OPCML: variants seen among roughly 807,000 people sequenced by gnomAD.
OPCML encodes opioid binding protein/cell adhesion molecule like.
Under a neutral mutation model 37.8 loss-of-function variants are expected in OPCML, and 13 were observed. That is an observed-to-expected ratio of 0.34 (90% CI 0.22 to 0.55). The LOEUF (loss-of-function observed/expected upper bound fraction) is 0.55. OPCML is among the 20% of genes least tolerant of loss of function. OPCML has a pLI of 0.91. For missense variants in OPCML, 341 were observed against 435.6 expected (o/e 0.78, Z 1.93); for synonymous variants, 176 against 168.8 (o/e 1.04, Z -0.33).
intron 3 of OPCML, among the ~76,000 whole-genome samples, chr11:132,569,872 A>G (rs2096433187): frequency 1.3e-5 from 2 of 152,230 alleles, no homozygotes; most frequent in South Asian, 4.1e-4. Flanking sequence ...AGGGAGGATA[A>G]AATACAAACA....
chr11:132,430,173 G>A (rs2136698884), intron 7 of OPCML, among the ~76,000 whole-genome samples: 1 of 152,290 alleles, frequency 6.6e-6, no homozygotes, highest in African/African-American at 2.4e-5. Flanking sequence ...CATGGAGGTC[G>A]CACTGAAGAG....
intron 1 of OPCML, among the ~76,000 whole-genome samples, chr11:133,450,703 C>G (rs1398529343): frequency 1.3e-5 from 2 of 151,564 alleles, no homozygotes; most frequent in Non-Finnish European, 2.9e-5. Flanking sequence ...GAAAAGGAAA[C>G]AGAGAACACA....
chr11:133,351,475 C>A (rs569186389), intron 1 of OPCML, among the ~76,000 whole-genome samples: 1 of 152,130 alleles, frequency 6.6e-6, no homozygotes, highest in South Asian at 2.1e-4. Flanking sequence ...TTCTGTGACA[C>A]CAAACTGCAT....
chr11:133,289,183 A>C (rs1205220593), intron 1 of OPCML, among the ~76,000 whole-genome samples: 1 of 152,180 alleles, frequency 6.6e-6, no homozygotes, highest in East Asian at 1.9e-4. Context: ...TTTGTTTGTT[A>C]ATTTGTTTTG....
At chr11:133,040,835 A>G (rs1947878895) in intron 1 of OPCML, among the ~76,000 whole-genome samples, 1 of 152,124 alleles carries the variant, frequency 6.6e-6, no homozygotes, top group African/African-American at 2.4e-5. Flanking sequence ...GGTGAAGTAC[A>G]GGGAAGCACA....
In OPCML at chr11:133,309,534, G is replaced by A. The variant is rs546810307; in HGVS notation, c.61+222730C>T. On this transcript the variant is annotated intron_variant, in intron 1 of 7. Coordinates refer to ENST00000524381, the MANE Select transcript of OPCML (RefSeq NM_001012393.5). ...ACAACTAAATGCAATGTGGGATCCT[G>A]GATTGAATCTTGTGACAGAAAACAG... Among the ~76,000 whole-genome samples, 41 of 152,302 alleles carry A rather than the reference G, an allele frequency of 2.7e-4. No individual in the cohort carries two copies. The East Asian group carries it at 5.2e-3, about 19-fold the overall frequency.
At chr11:132,809,661 T>TA (rs375513885) in intron 2 of OPCML, among the ~76,000 whole-genome samples, 1 of 152,060 alleles carries the variant, frequency 6.6e-6, no homozygotes, top group Non-Finnish European at 1.5e-5. Context: ...AAATTTTAAT[T>TA]AAAAAAAGTG....
intron 3 of OPCML, among the ~76,000 whole-genome samples, chr11:132,651,244 C>T (rs1024574108): frequency 1.3e-5 from 2 of 152,130 alleles, no homozygotes; most frequent in African/African-American, 2.4e-5. Context: ...TAAATATACC[C>T]GGTCTTGGGT....
At chr11:132,455,426 C>G (rs76168919) in intron 4 of OPCML, among the ~76,000 whole-genome samples, 2,668 of 152,256 alleles carry the variant, frequency 0.018, 69 homozygotes, top group African/African-American at 0.059. Flanking sequence ...CAAGTAATAA[C>G]CACTTCTAAT....
intron 3 of OPCML, among the ~76,000 whole-genome samples, chr11:132,647,081 G>A (rs1422582146): frequency 6.6e-6 from 1 of 152,200 alleles, no homozygotes; most frequent in Non-Finnish European, 1.5e-5. Context: ...ATGACCTGGC[G>A]TGGCAGTCTG....
At chr11:133,302,055 G>A (rs1010913563) in intron 1 of OPCML, 7 of 152,186 alleles carry the variant, frequency 4.6e-5, no homozygotes, top group South Asian at 2.1e-4. Context: ...ACTTTATTGT[G>A]CTAAGTTACA....
chr11:132,612,282 T>C (rs11604970), intron 3 of OPCML, among the ~76,000 whole-genome samples: 533 of 152,338 alleles, frequency 3.5e-3, no homozygotes, highest in Non-Finnish European at 6.2e-3. Flanking sequence ...ACTTTTTACA[T>C]TAATTTATTG....
intron 2 of OPCML, among the ~76,000 whole-genome samples, chr11:132,669,278 G>A (rs1014247796): frequency 1.2e-4 from 18 of 151,888 alleles, no homozygotes; most frequent in African/African-American, 4.1e-4. Flanking sequence ...ATGTGTCAGC[G>A]CTGAAGGAGA....
At chr11:133,007,170 C>T (rs1390253236) in intron 1 of OPCML, 2 of 985,304 alleles carry the variant, frequency 2.0e-6, no homozygotes, top group Non-Finnish European at 2.4e-6. Context: ...CAGATTGTGG[C>T]CTTGGGGACT....
intron 4 of OPCML, among the ~76,000 whole-genome samples, chr11:132,465,495 T>G (rs1470863819): frequency 1.3e-5 from 2 of 152,292 alleles, no homozygotes; most frequent in South Asian, 2.1e-4. Context: ...ATTTTTTTAC[T>G]GTATATTTCC....
intron 1 of OPCML, among the ~76,000 whole-genome samples, chr11:133,251,151 T>G (rs755992615): frequency 6.6e-5 from 10 of 152,184 alleles, no homozygotes; most frequent in Non-Finnish European, 1.3e-4. Flanking sequence ...GAGAAATATA[T>G]TCCTCATCAA....
chr11:133,244,210 T>C (rs1248414052), intron 1 of OPCML, among the ~76,000 whole-genome samples: 4 of 152,186 alleles, frequency 2.6e-5, no homozygotes. Context: ...CATTCAATAG[T>C]GCAGTGCCCT....
At chr11:133,298,302 T>C (rs1391742043) in intron 1 of OPCML, 4 of 151,896 alleles carry the variant, frequency 2.6e-5, no homozygotes, top group Admixed American at 2.0e-4. Context: ...AGAGAGGAAA[T>C]AGATAAATTC....
intron 4 of OPCML, among the ~76,000 whole-genome samples, chr11:132,527,409 A>G (rs2096311364): frequency 6.6e-6 from 1 of 152,130 alleles, no homozygotes; most frequent in Admixed American, 6.6e-5. Context: ...ATCAGCCTTT[A>G]TAATTTTAGT....
Sources: gnomAD v4.1 joint callset for allele counts (sites outside exome capture counted in the v4.1 genomes callset) on GRCh38, gnomAD v4.1.1 for gene constraint, MANE v1.5 for transcripts, NCBI Gene and HGNC (gene_info 2026-07-23, HGNC 2026-07-21) for gene names.